The following CCND3 variants were observed in gnomAD, a reference collection of about 807,000 sequenced individuals.
CCND3 encodes the protein cyclin D3, also known as G1/S-specific cyclin-D3.
A neutral mutation model predicts 28.7 loss-of-function variants in CCND3; 9 were observed. The observed-to-expected ratio is 0.31, with a 90% CI of 0.19 to 0.55. The LOEUF is 0.55. CCND3 is among the 20% of genes least tolerant of loss of function. The pLI is 0.93. For synonymous variants in CCND3, 164 were observed against 163.9 expected (o/e 1.00, Z 0.00); for missense variants, 315 against 385.8 (o/e 0.82, Z 1.54).
At chr6:42,041,319 GAAAA>G (rs1274355313) in intron 1 of CCND3, among the ~76,000 whole-genome samples, 1 of 152,232 alleles carries the variant, frequency 6.6e-6, no homozygotes, top group Non-Finnish European at 1.5e-5. Flanking sequence ...GGATATGAGA[GAAAA>G]ACTCAGTTGG....
chr6:41,972,215 G>A (rs1253425810), intron 1 of CCND3, among the ~76,000 whole-genome samples: 31 of 84,120 alleles, frequency 3.7e-4, no homozygotes, highest in Admixed American at 6.8e-4. Context: ...GCAACAGAGC[G>A]AGACTCCATC....
intron 1 of CCND3, among the ~76,000 whole-genome samples, chr6:42,028,521 T>A (rs1006569909): frequency 2.6e-5 from 4 of 152,250 alleles, no homozygotes; most frequent in Non-Finnish European, 1.5e-5. Flanking sequence ...CTGCTATTTC[T>A]TGCCTCATCT....
intron 1 of CCND3, among the ~76,000 whole-genome samples, chr6:42,000,524 G>A (rs1270822293): frequency 7.1e-6 from 1 of 140,514 alleles, no homozygotes; most frequent in East Asian, 2.2e-4. Flanking sequence ...CACCGCGCCC[G>A]GCCTGAAAAC....
At chr6:42,001,517 T>C (rs1223704227) in intron 1 of CCND3, among the ~76,000 whole-genome samples, 2 of 152,180 alleles carry the variant, frequency 1.3e-5, no homozygotes, top group African/African-American at 2.4e-5. Context: ...TCTTTTTAGA[T>C]GAGGTTCTAT....
chr6:41,964,451 AGTCTGTGTGT>A (rs1307308038), intron 1 of CCND3, among the ~76,000 whole-genome samples: 2,269 of 109,638 alleles, frequency 0.021, 40 homozygotes, highest in South Asian at 0.099. Context: ...TGAATGTGTG[AGTCTGTGTGT>A]GAGTGTGTGT....
At position 41,936,643 on chromosome 6, in the gene CCND3, C is replaced by T. The variant is rs772350485; in HGVS notation, c.627G>A (p.Gly209=). Residue 209 remains glycine (G), a synonymous_variant, in exon 4 of 5, where the codon GGG becomes GGA. Coordinates refer to ENST00000372991, the MANE Select transcript of CCND3 (RefSeq NM_001760.5). This position sits in a 1 kb window ranked among gnomAD's most constrained non-coding sequence, Gnocchi z 4.4. The part of the protein sequence containing the change: ...PPSMIATGSI[G]AAVQGLGACS... ...AGGCACCCAGGCCTTGCACTGCAGC[C>T]CCAATGCTGCCCGTGGCGATCATGG... 6.2e-7 allele frequency: 1 copy of T among 1,614,114 alleles called. No individual in the cohort carries two copies. Among genetic ancestry groups the T allele is most frequent in the African/African-American group, 1.3e-5 (1 of 75,050 alleles).
At chr6:42,001,057 G>A (rs1441817400) in intron 1 of CCND3, among the ~76,000 whole-genome samples, 1 of 151,276 alleles carries the variant, frequency 6.6e-6, no homozygotes, top group African/African-American at 2.4e-5. Context: ...CCAACATGGT[G>A]AAACCCCATC....
At chr6:42,004,872 G>A (rs1447897407) in intron 1 of CCND3, among the ~76,000 whole-genome samples, 1 of 152,070 alleles carries the variant, frequency 6.6e-6, no homozygotes, top group Non-Finnish European at 1.5e-5. Context: ...AGGACATATG[G>A]TCTATTTATC....
chr6:41,937,446 G>A (rs752073158), intron 2 of CCND3, 52 bp from the exon 3 acceptor site: 3 of 1,602,516 alleles, frequency 1.9e-6, no homozygotes, highest in Non-Finnish European at 2.6e-6. Flanking sequence ...TGAAGAGGAG[G>A]GAGCAAAGCA....
intron 1 of CCND3, among the ~76,000 whole-genome samples, chr6:41,979,198 A>G (rs1243039447): frequency 7.4e-6 from 1 of 135,100 alleles, no homozygotes; most frequent in Non-Finnish European, 1.6e-5. Context: ...AAAAATCCTG[A>G]CTTGTTCTTT....
At chr6:41,945,925 T>A (rs1436208979), upstream of CCND3, among the ~76,000 whole-genome samples, 1 of 152,228 alleles carries the variant, frequency 6.6e-6, no homozygotes, top group Non-Finnish European at 1.5e-5. Flanking sequence ...ACCCTTTCTG[T>A]TATGAACATG....
At chr6:42,038,351 C>T (rs947752547) in intron 1 of CCND3, among the ~76,000 whole-genome samples, 2 of 151,998 alleles carry the variant, frequency 1.3e-5, no homozygotes, top group African/African-American at 2.4e-5. Context: ...CCAGCCTGCG[C>T]AACATGGCAA....
At chr6:42,028,979 T>TTTTG (rs1763966950) in intron 1 of CCND3, among the ~76,000 whole-genome samples, 1 of 151,150 alleles carries the variant, frequency 6.6e-6, no homozygotes, top group Non-Finnish European at 1.5e-5. Flanking sequence ...CGGTTTTTTT[T>TTTTG]TTTTTTTCCT....
chr6:42,011,255 C>T (rs1763338912), intron 1 of CCND3, among the ~76,000 whole-genome samples: 1 of 152,080 alleles, frequency 6.6e-6, no homozygotes, highest in Non-Finnish European at 1.5e-5. Flanking sequence ...GTAGCTAGGA[C>T]CACAGCAAGT....
Position 41,941,192 on chromosome 6 carries a change from T to G in CCND3, c.198+260A>C. The stretch of plus-strand genomic sequence containing the variant: ...AGAAGCCGAAGGGGAGAGAGTGTCC[T>G]TGGTCCCGTTTGCTCGGCCCGAAGA... On this transcript the variant is annotated intron_variant, in intron 1 of 4. Coordinates refer to ENST00000372991, the MANE Select transcript of CCND3 (RefSeq NM_001760.5). The surrounding 1 kb of genome is among the most constrained non-coding windows in gnomAD (Gnocchi z 6.1). The G allele has an allele frequency of 1.4e-6, 2 of 1,440,140 alleles. No individual in the cohort carries two copies. The highest frequency in any genetic ancestry group is 1.8e-6 in the Non-Finnish European group (2 of 1,101,790). 89.2% of individuals were successfully genotyped at this position (1,440,140 alleles called of 1,614,324 possible).
intron 1 of CCND3, among the ~76,000 whole-genome samples, chr6:42,017,058 G>A (rs1266209927): frequency 2.6e-5 from 4 of 152,204 alleles, no homozygotes; most frequent in African/African-American, 9.6e-5. Flanking sequence ...CATCTCACCC[G>A]GCAGAGGAGG....
chr6:41,979,597 C>T (rs1261269821), intron 1 of CCND3, among the ~76,000 whole-genome samples: 2 of 146,838 alleles, frequency 1.4e-5, no homozygotes, highest in Non-Finnish European at 3.0e-5. Flanking sequence ...CTTCCATTGT[C>T]AGACAAGGAA....
At chr6:41,949,479 C>G (rs1284631522) in intron 1 of CCND3, among the ~76,000 whole-genome samples, 1 of 151,432 alleles carries the variant, frequency 6.6e-6, no homozygotes, top group African/African-American at 2.4e-5. Flanking sequence ...CACTCCAGCC[C>G]GGGGGACAGA....
upstream of CCND3, among the ~76,000 whole-genome samples, chr6:41,943,677 T>C (rs1406328564): frequency 6.6e-6 from 1 of 152,230 alleles, no homozygotes; most frequent in Admixed American, 6.5e-5. Context: ...TCTAAGGCTT[T>C]TGATACACTT....
Sources: gnomAD v4.1 joint callset for allele counts (sites outside exome capture counted in the v4.1 genomes callset) on GRCh38, gnomAD v4.1.1 for gene constraint, Gnocchi (gnomAD v3.1) non-coding constraint, MANE v1.5 for transcripts, NCBI Gene and HGNC (gene_info 2026-07-23, HGNC 2026-07-21) for gene names.